PIK3C2G: variants seen among roughly 807,000 people sequenced by gnomAD.
The protein encoded by PIK3C2G is phosphatidylinositol 3-kinase C2 domain-containing subunit gamma.
Under a neutral mutation model 181.1 loss-of-function variants are expected in PIK3C2G, and 168 were observed. The observed-to-expected ratio is 0.93, with a 90% CI of 0.82 to 1.05. PIK3C2G has a LOEUF of 1.05. PIK3C2G is among the 50% of genes least tolerant of loss of function. PIK3C2G has a pLI of 0.00. For missense variants in PIK3C2G, 1,869 were observed against 1,732.8 expected, an observed-to-expected ratio of 1.08 and a Z score of -1.40; for synonymous variants, 573 against 592.2, an observed-to-expected ratio of 0.97 and a Z score of 0.47.
chr12:18,612,525 A>G (rs865842290), intron 31 of PIK3C2G, among the ~76,000 whole-genome samples: 38 of 152,146 alleles, frequency 2.5e-4, no homozygotes, highest in African/African-American at 8.9e-4. Context: ...GGATGTTTTC[A>G]TCTTCCAAAA....
chr12:18,639,873 G>A (rs186841035), intron 31 of PIK3C2G, among the ~76,000 whole-genome samples: 3 of 151,988 alleles, frequency 2.0e-5, no homozygotes, highest in East Asian at 1.9e-4. Flanking sequence ...ATAATTTAGA[G>A]TACTTTAGAT....
intron 18 of PIK3C2G, among the ~76,000 whole-genome samples, chr12:18,453,289 T>A (rs1023601633): frequency 1.3e-5 from 2 of 152,200 alleles, no homozygotes; most frequent in Non-Finnish European, 2.9e-5. Context: ...ATTGCATTAT[T>A]TCCTTTACCA....
chr12:18,324,054 A>G (rs7301415), intron 7 of PIK3C2G, among the ~76,000 whole-genome samples: 37,943 of 151,876 alleles, frequency 0.25, 5,040 homozygotes, highest in South Asian at 0.4. Flanking sequence ...CCCCGTCTCT[A>G]CTAAAAATAC....
the PIK3C2G span, among the ~76,000 whole-genome samples, chr12:18,690,267 A>G: frequency 3.3e-5 from 5 of 152,048 alleles, no homozygotes; most frequent in African/African-American, 1.2e-4. Flanking sequence ...CTTGCTACCC[A>G]AGCTGGAGTG....
chr12:18,687,985 T>C, the PIK3C2G span: 3 of 1,472,776 alleles, frequency 2.0e-6, no homozygotes, highest in African/African-American at 1.4e-5. Flanking sequence ...AAAACCCTTG[T>C]CTTATGAATA....
chr12:18,510,169 C>T (rs982932349), intron 24 of PIK3C2G, among the ~76,000 whole-genome samples: 2 of 152,152 alleles, frequency 1.3e-5, no homozygotes, highest in Admixed American at 1.3e-4. Flanking sequence ...TAGGGTCTCA[C>T]CATGTTGCCC....
intron 11 of PIK3C2G, among the ~76,000 whole-genome samples, chr12:18,354,779 T>C (rs1425846890): frequency 6.6e-6 from 1 of 152,214 alleles, no homozygotes; most frequent in Non-Finnish European, 1.5e-5. Flanking sequence ...TGGAGACAGT[T>C]GGTTGCCCAT....
At chr12:18,490,139 G>A (rs577450505) in intron 19 of PIK3C2G, among the ~76,000 whole-genome samples, 3 of 152,094 alleles carry the variant, frequency 2.0e-5, no homozygotes, top group Non-Finnish European at 4.4e-5. Context: ...TTACTTAAAT[G>A]AAGGGAGCAG....
At chr12:18,542,062 A>G (rs1386596999) in intron 25 of PIK3C2G, among the ~76,000 whole-genome samples, 1 of 151,800 alleles carries the variant, frequency 6.6e-6, no homozygotes, top group African/African-American at 2.4e-5. Flanking sequence ...ACGAGTAAGT[A>G]TAGGGTCCAC....
In PIK3C2G at chr12:18,609,720, A is replaced by G. The variant is rs369058343; in HGVS notation, c.4182+91A>G. ...GCAATTAGTGTCAACATTAGCTAGA[A>G]GAATGGGTATCTCCGCCAAGTTTAA... is the stretch of plus-strand genomic sequence containing the variant. On this transcript the variant is annotated intron_variant, in intron 31 of 32. Coordinates refer to ENST00000538779, the MANE Select transcript of PIK3C2G (RefSeq NM_001288772.2). The G allele has an allele frequency of 3.1e-4, 222 of 715,772 alleles. 1 individual carries two copies. In the East Asian group the frequency reaches 3.6e-3, roughly 12 times the overall value. The allele number at this position is 715,772 out of a possible 1,614,324, so 44.3% of individuals were successfully genotyped here.
chr12:18,618,303 AG>A (rs1156557781), intron 31 of PIK3C2G, among the ~76,000 whole-genome samples: 3 of 152,032 alleles, frequency 2.0e-5, no homozygotes, highest in Non-Finnish European at 4.4e-5. Context: ...AAAAGACAGA[AG>A]GGTATGCACT....
At chr12:18,365,080 G>T (rs1228004976) in intron 12 of PIK3C2G, among the ~76,000 whole-genome samples, 1 of 152,068 alleles carries the variant, frequency 6.6e-6, no homozygotes, top group African/African-American at 2.4e-5. Context: ...AAAAAATTCT[G>T]AATGCTAGTT....
chr12:18,464,257 G>A (rs927693281), intron 18 of PIK3C2G, among the ~76,000 whole-genome samples: 9 of 152,142 alleles, frequency 5.9e-5, no homozygotes, highest in African/African-American at 1.9e-4. Context: ...CCTTGTATGT[G>A]TCCTCACGTG....
intron 18 of PIK3C2G, among the ~76,000 whole-genome samples, chr12:18,435,969 A>C (rs11044113): frequency 0.22 from 32,684 of 149,294 alleles, 3,551 homozygotes; most frequent in Admixed American, 0.33. Context: ...CAAGTAACAA[A>C]AAAAAAAAAA....
At chr12:18,447,230 T>C (rs1046820799) in intron 18 of PIK3C2G, among the ~76,000 whole-genome samples, 9 of 152,162 alleles carry the variant, frequency 5.9e-5, no homozygotes, top group African/African-American at 9.7e-5. Flanking sequence ...TATGCAGCAA[T>C]TGACAGTGGC....
chr12:18,309,828 A>T (rs188751432), intron 5 of PIK3C2G, among the ~76,000 whole-genome samples: 1 of 151,946 alleles, frequency 6.6e-6, no homozygotes, highest in East Asian at 1.9e-4. Flanking sequence ...CATTTTGATA[A>T]CTACTTCTCT....
chr12:18,495,983 T>A (rs1230888652), intron 20 of PIK3C2G, 79 bp from the exon 21 acceptor site: 1 of 668,932 alleles, frequency 1.5e-6, no homozygotes, highest in Non-Finnish European at 2.5e-6. Flanking sequence ...GGCTATGATT[T>A]TGGGGAAAAG....
intron 26 of PIK3C2G, among the ~76,000 whole-genome samples, chr12:18,551,176 T>C (rs57807681): frequency 0.057 from 8,735 of 152,136 alleles, 543 homozygotes; most frequent in African/African-American, 0.16. Flanking sequence ...TTACTCTCTT[T>C]CACTCCCCTT....
chr12:18,637,751 G>A (rs1949668991), intron 31 of PIK3C2G, among the ~76,000 whole-genome samples: 2 of 152,190 alleles, frequency 1.3e-5, no homozygotes. Flanking sequence ...TTCTCACAGT[G>A]TTGTTGAAAA....
Sources: allele counts gnomAD v4.1 joint callset (sites outside exome capture counted in the v4.1 genomes callset), GRCh38; gene constraint gnomAD v4.1.1; transcripts MANE v1.5; gene names NCBI Gene and HGNC (gene_info 2026-07-23, HGNC 2026-07-21).